CNTNAP2: variants seen among roughly 807,000 people sequenced by gnomAD.
CNTNAP2 encodes the protein contactin-associated protein-like 2.
A neutral mutation model predicts 155.2 loss-of-function variants in CNTNAP2; 98 were observed. The ratio of observed to expected loss-of-function variants is 0.63; its 90% confidence interval spans 0.54 to 0.75. CNTNAP2 has a LOEUF of 0.75. Among genes scored for constraint, CNTNAP2 ranks in the 30% least tolerant of loss-of-function variants. CNTNAP2 has a pLI of 0.00. For synonymous variants in CNTNAP2, 651 were observed against 631.2 expected (o/e 1.03, Z -0.47); for missense variants, 1,727 against 1,688.1 (o/e 1.02, Z -0.40).
intron 10 of CNTNAP2, among the ~76,000 whole-genome samples, chr7:147,402,149 C>T (rs974102062): frequency 5.3e-5 from 8 of 152,184 alleles, no homozygotes; most frequent in African/African-American, 1.9e-4. Context: ...TATATTCGGT[C>T]AACATGGGAG....
intron 15 of CNTNAP2, among the ~76,000 whole-genome samples, chr7:148,028,691 C>T (rs1397189741): frequency 2.6e-5 from 4 of 152,076 alleles, no homozygotes; most frequent in Admixed American, 1.3e-4. Flanking sequence ...TGAATTTGTA[C>T]TAAAAAGAAT....
chr7:148,170,113 G>C (rs1490196089), intron 17 of CNTNAP2, among the ~76,000 whole-genome samples: 1 of 152,204 alleles, frequency 6.6e-6, no homozygotes, highest in African/African-American at 2.4e-5. Flanking sequence ...AGTTAAATCT[G>C]AGTAGCGTAA....
rs143609414 is a variant in CNTNAP2 at position 148,296,545 on chromosome 7, CAAAA to C, written c.3475+29439_3475+29442del. 2.2e-3 allele frequency among the ~76,000 whole-genome samples: 168 copies of C among 76,600 alleles called. 2 individuals carry two copies. The highest frequency in any genetic ancestry group is 0.022 in the East Asian group (43 of 1,962). The allele number at this position is 76,600 out of a possible 152,430, so 50.3% of individuals were successfully genotyped here. On this transcript the variant is annotated intron_variant, in intron 21 of 23. Coordinates refer to ENST00000361727, the MANE Select transcript of CNTNAP2 (RefSeq NM_014141.6). ...TGGGAAACAGAGCAAGACTCTGTCT[CAAAA>C]AAAAAAAAAAAAAAAAAAATTATCC...
chr7:147,670,183 T>C (rs938189377), intron 13 of CNTNAP2, among the ~76,000 whole-genome samples: 1 of 152,160 alleles, frequency 6.6e-6, no homozygotes, highest in Non-Finnish European at 1.5e-5. Flanking sequence ...GATTTTCTGT[T>C]TTCTTCTTGT....
intron 1 of CNTNAP2, among the ~76,000 whole-genome samples, chr7:146,303,142 A>T (rs1448636171): frequency 6.6e-6 from 1 of 151,860 alleles, no homozygotes; most frequent in East Asian, 1.9e-4. Flanking sequence ...CATGGGAGAC[A>T]TGGGTAGGGA....
intron 1 of CNTNAP2, among the ~76,000 whole-genome samples, chr7:146,125,447 G>A (rs899509829): frequency 7.9e-5 from 12 of 151,366 alleles, no homozygotes; most frequent in African/African-American, 2.7e-4. Context: ...GTTGTGGCGG[G>A]CGCCTGTAGT....
At chr7:146,904,097 C>G (rs1796065093) in intron 3 of CNTNAP2, among the ~76,000 whole-genome samples, 1 of 152,136 alleles carries the variant, frequency 6.6e-6, no homozygotes, top group Non-Finnish European at 1.5e-5. Flanking sequence ...TATTAAATAG[C>G]TCAGGTTCTC....
intron 1 of CNTNAP2, among the ~76,000 whole-genome samples, chr7:146,344,704 C>T (rs568968612): frequency 2.2e-4 from 33 of 152,278 alleles, no homozygotes; most frequent in African/African-American, 7.7e-4. Context: ...GTCTAGAACT[C>T]CTGACCTAAG....
At chr7:148,305,437 C>A (rs1416958745) in intron 21 of CNTNAP2, among the ~76,000 whole-genome samples, 1 of 151,982 alleles carries the variant, frequency 6.6e-6, no homozygotes, top group Admixed American at 6.6e-5. Flanking sequence ...AAACTTCTAC[C>A]CCAGAGCATT....
intron 2 of CNTNAP2, among the ~76,000 whole-genome samples, chr7:146,777,887 C>T (rs1008869805): frequency 2.8e-5 from 4 of 143,344 alleles, no homozygotes; most frequent in African/African-American, 1.1e-4. Flanking sequence ...TAATAGCCAG[C>T]ATTGAGAGAA....
Position 147,562,265 on chromosome 7 carries a change from T to G in CNTNAP2, c.1897+8T>G, listed in dbSNP as rs769157591. ...TTTACTGCAACATGACAGGTAACTG[T>G]GTCATATTTATGTTTTATGAAGATG... On this transcript the variant is annotated splice_region_variant and intron_variant, in intron 12 of 23. Coordinates refer to ENST00000361727, the MANE Select transcript of CNTNAP2 (RefSeq NM_014141.6). 1.4e-5 allele frequency: 23 copies of G among 1,613,750 alleles called. No homozygotes were observed. In the South Asian group the frequency reaches 2.5e-4, roughly 18 times the overall value.
intron 4 of CNTNAP2, among the ~76,000 whole-genome samples, chr7:147,079,085 C>A (rs1800058513): frequency 6.6e-6 from 1 of 152,102 alleles, no homozygotes; most frequent in African/African-American, 2.4e-5. Context: ...TTAATTTAGT[C>A]TGTGACATAC....
chr7:148,060,510 G>A (rs1803109023), intron 15 of CNTNAP2, among the ~76,000 whole-genome samples: 1 of 152,092 alleles, frequency 6.6e-6, no homozygotes, highest in Admixed American at 6.6e-5. Context: ...GTTATACCTT[G>A]AATCCTTTAT....
intron 13 of CNTNAP2, among the ~76,000 whole-genome samples, chr7:147,848,240 A>G (rs1166145048): frequency 6.8e-6 from 1 of 145,996 alleles, no homozygotes; most frequent in Non-Finnish European, 1.5e-5. Flanking sequence ...TGTGCTAGCA[A>G]TCAGCGAGAT....
At chr7:147,295,253 ATG>A (rs35124310) in intron 8 of CNTNAP2, among the ~76,000 whole-genome samples, 28,627 of 151,358 alleles carry the variant, frequency 0.19, 2,959 homozygotes, top group Non-Finnish European at 0.22. Flanking sequence ...GTGTGTACCC[ATG>A]TGTGTGTGTG....
intron 22 of CNTNAP2, among the ~76,000 whole-genome samples, chr7:148,404,191 C>T (rs1284093367): frequency 2.0e-5 from 3 of 152,190 alleles, no homozygotes; most frequent in African/African-American, 7.2e-5. Context: ...TCCATTTAGC[C>T]CTTGCTACTG....
At chr7:146,710,058 C>T (rs1801036417) in intron 1 of CNTNAP2, among the ~76,000 whole-genome samples, 1 of 152,124 alleles carries the variant, frequency 6.6e-6, no homozygotes, top group African/African-American at 2.4e-5. Flanking sequence ...GGCTGTCAGG[C>T]CAAGGCCCAT....
intron 13 of CNTNAP2, among the ~76,000 whole-genome samples, chr7:147,663,471 T>C (rs1795647943): frequency 6.6e-6 from 1 of 152,228 alleles, no homozygotes; most frequent in Non-Finnish European, 1.5e-5. Flanking sequence ...TAAGTAGAAT[T>C]GGTCAAAGAA....
At chr7:148,268,343 A>C (rs1468622006) in intron 21 of CNTNAP2, among the ~76,000 whole-genome samples, 1 of 152,094 alleles carries the variant, frequency 6.6e-6, no homozygotes, top group Non-Finnish European at 1.5e-5. Flanking sequence ...AGGAGTGAGT[A>C]GGAGACTGAA....
Sources: allele counts gnomAD v4.1 joint callset (sites outside exome capture counted in the v4.1 genomes callset), GRCh38; gene constraint gnomAD v4.1.1; transcripts MANE v1.5; gene names NCBI Gene and HGNC (gene_info 2026-07-23, HGNC 2026-07-21).